Variants in DRC11 observed in about 807,000 individuals in gnomAD.
DRC11 encodes the protein dynein regulatory complex subunit 11, also known as IQ and AAA domain-containing protein 1.
chr2:236,360,599 C>G, the DRC11 span, among the ~76,000 whole-genome samples: 2 of 152,182 alleles, frequency 1.3e-5, no homozygotes, highest in African/African-American at 4.8e-5. The surrounding 1 kb of genome is among the most constrained non-coding windows in gnomAD (Gnocchi z 5.8). Context: ...ATGGAGGCCA[C>G]AAGTCAGGCT....
At chr2:236,404,765 C>T in the DRC11 span, among the ~76,000 whole-genome samples, 7 of 152,166 alleles carry the variant, frequency 4.6e-5, no homozygotes, top group East Asian at 1.9e-4. Flanking sequence ...GGTGTTTATT[C>T]GTAATGACTT....
chr2:236,408,448 T>C, the DRC11 span: 1 of 740,782 alleles, frequency 1.3e-6, no homozygotes, highest in Admixed American at 1.7e-5. The surrounding 1 kb of genome is among the most constrained non-coding windows in gnomAD (Gnocchi z 5.5). Context: ...CCCAAACACT[T>C]GGTTCACAGG....
the DRC11 span, among the ~76,000 whole-genome samples, chr2:236,461,467 A>G: frequency 6.6e-6 from 1 of 152,224 alleles, no homozygotes; most frequent in Non-Finnish European, 1.5e-5. The surrounding 1 kb of genome is among the most constrained non-coding windows in gnomAD (Gnocchi z 4.0). Flanking sequence ...TTTTCTCCAG[A>G]CCCAATTATG....
the DRC11 span, among the ~76,000 whole-genome samples, chr2:236,477,003 G>T: frequency 2.6e-5 from 4 of 152,182 alleles, no homozygotes; most frequent in South Asian, 2.1e-4. Flanking sequence ...GTTGAATTTG[G>T]TTTTTTAGTG....
At chr2:236,357,268 TATACA>T in the DRC11 span, among the ~76,000 whole-genome samples, 2 of 104,004 alleles carry the variant, frequency 1.9e-5, no homozygotes, top group Non-Finnish European at 3.3e-5. Flanking sequence ...ATATTATAAA[TATACA>T]TATATTATAT....
At chr2:236,343,452 TAA>T in the DRC11 span, among the ~76,000 whole-genome samples, 1 of 152,224 alleles carries the variant, frequency 6.6e-6, no homozygotes, top group Non-Finnish European at 1.5e-5. The surrounding 1 kb of genome is among the most constrained non-coding windows in gnomAD (Gnocchi z 6.6). Context: ...TCAGAGAGGT[TAA>T]GTTACTTGTT....
chr2:236,414,217 G>A, the DRC11 span, among the ~76,000 whole-genome samples: 5 of 152,004 alleles, frequency 3.3e-5, no homozygotes, highest in Non-Finnish European at 7.4e-5. Context: ...GAGAGCAACA[G>A]TTTCTGATTT....
At chr2:236,344,597 T>TC in the DRC11 span, 1 of 1,613,818 alleles carries the variant, frequency 6.2e-7, no homozygotes, top group Non-Finnish European at 8.5e-7. Context: ...GAAGGTTTTT[T>TC]CTGTGTCTTC....
the DRC11 span, among the ~76,000 whole-genome samples, chr2:236,326,295 TTTGTGTTCTAGAACTTA>T: frequency 4.6e-5 from 7 of 152,246 alleles, no homozygotes; most frequent in Non-Finnish European, 7.3e-5. Flanking sequence ...CTGTATTCTT[TTTGTGTTCTAGAACTTA>T]TTGTGTTCTA....
the DRC11 span, among the ~76,000 whole-genome samples, chr2:236,400,640 T>A: frequency 1.3e-5 from 2 of 152,204 alleles, no homozygotes; most frequent in African/African-American, 4.8e-5. This position sits in a 1 kb window ranked among gnomAD's most constrained non-coding sequence, Gnocchi z 7.9. Context: ...CAGTACTCTC[T>A]ATGCAGTGAC....
At chr2:236,315,025 A>G in the DRC11 span, among the ~76,000 whole-genome samples, 9 of 152,240 alleles carry the variant, frequency 5.9e-5, no homozygotes, top group Admixed American at 1.3e-4. This position sits in a 1 kb window ranked among gnomAD's most constrained non-coding sequence, Gnocchi z 5.1. Context: ...GACTTACTCT[A>G]TGGATGCAAA....
At chr2:236,454,053 C>T in the DRC11 span, among the ~76,000 whole-genome samples, 3 of 152,172 alleles carry the variant, frequency 2.0e-5, no homozygotes, top group South Asian at 2.1e-4. This position sits in a 1 kb window ranked among gnomAD's most constrained non-coding sequence, Gnocchi z 5.3. Flanking sequence ...TCAGGTCATG[C>T]CCCATCAGCA....
At chr2:236,392,038 A>G in the DRC11 span, 1 of 1,613,952 alleles carries the variant, frequency 6.2e-7, no homozygotes, top group South Asian at 1.1e-5. The surrounding 1 kb of genome is among the most constrained non-coding windows in gnomAD (Gnocchi z 5.1). Flanking sequence ...GCTAGCTTTA[A>G]GTTTTTAAGT....
chr2:236,486,977 A>G, the DRC11 span: 2 of 1,064,262 alleles, frequency 1.9e-6, no homozygotes, highest in Non-Finnish European at 2.8e-6. The surrounding 1 kb of genome is among the most constrained non-coding windows in gnomAD (Gnocchi z 5.7). Flanking sequence ...CTCCCATATA[A>G]ACTGCACATC....
chr2:236,460,590 A>G, the DRC11 span, among the ~76,000 whole-genome samples: 2 of 152,146 alleles, frequency 1.3e-5, no homozygotes, highest in African/African-American at 4.8e-5. The surrounding 1 kb of genome is among the most constrained non-coding windows in gnomAD (Gnocchi z 4.0). Flanking sequence ...TTTTTTAATG[A>G]GGGTTTCTAT....
the DRC11 span, among the ~76,000 whole-genome samples, chr2:236,438,845 G>A: frequency 6.6e-6 from 1 of 151,966 alleles, no homozygotes; most frequent in Non-Finnish European, 1.5e-5. Context: ...GAACGTAAAA[G>A]AACAGAAATT....
the DRC11 span, among the ~76,000 whole-genome samples, chr2:236,361,737 A>G: frequency 2.0e-4 from 30 of 152,210 alleles, no homozygotes; most frequent in Admixed American, 1.8e-3. The surrounding 1 kb of genome is among the most constrained non-coding windows in gnomAD (Gnocchi z 5.7). Flanking sequence ...AACAAATAGC[A>G]AAATGGTAGA....
chr2:236,418,709 A>G, the DRC11 span, among the ~76,000 whole-genome samples: 1 of 152,256 alleles, frequency 6.6e-6, no homozygotes, highest in Non-Finnish European at 1.5e-5. Context: ...CTGTTAAAAT[A>G]TATCCAGATG....
the DRC11 span, among the ~76,000 whole-genome samples, chr2:236,405,006 T>A: frequency 1.3e-5 from 2 of 152,134 alleles, no homozygotes; most frequent in Non-Finnish European, 2.9e-5. This position sits in a 1 kb window ranked among gnomAD's most constrained non-coding sequence, Gnocchi z 4.6. Flanking sequence ...CTAATCTCAA[T>A]CACAGGGGCT....
Sources: gnomAD v4.1 joint callset for allele counts (sites outside exome capture counted in the v4.1 genomes callset) on GRCh38, gnomAD v4.1.1 for gene constraint, Gnocchi (gnomAD v3.1) non-coding constraint, MANE v1.5 for transcripts, NCBI Gene and HGNC (gene_info 2026-07-23, HGNC 2026-07-21) for gene names.